Variants in SLC36A1 observed in about 807,000 individuals in gnomAD.
SLC36A1 encodes proton-coupled amino acid transporter 1.
SLC36A1 carries 30 observed loss-of-function variants against 47.5 expected under a neutral mutation model. That is an observed-to-expected ratio of 0.63 (90% CI 0.47 to 0.86). The LOEUF (loss-of-function observed/expected upper bound fraction) is 0.86, where lower values mean the gene tolerates loss of function less well. Among genes scored for constraint, SLC36A1 ranks in the 40% least tolerant of loss-of-function variants. The pLI, the probability that SLC36A1 is intolerant of heterozygous loss-of-function variation, is 0.00. For synonymous variants in SLC36A1, 255 were observed against 249.7 expected, an observed-to-expected ratio of 1.02 and a Z score of -0.20; for missense variants, 517 against 606.0, an observed-to-expected ratio of 0.85 and a Z score of 1.54.
At chr5:151,444,263 G>A (rs1752793562), upstream of SLC36A1, among the ~76,000 whole-genome samples, 1 of 152,118 alleles carries the variant, frequency 6.6e-6, no homozygotes, top group South Asian at 2.1e-4. Context: ...GGATAGTATG[G>A]ACATTTCCAC....
chr5:151,523,508 GTCTATAGCCTGTGTTTT>G, the SLC36A1 span, among the ~76,000 whole-genome samples: 12 of 152,296 alleles, frequency 7.9e-5, no homozygotes, highest in African/African-American at 2.2e-4. Flanking sequence ...ACCTATCTGT[GTCTATAGCCTGTGTTTT>G]TCTTTGCTGG....
chr5:151,551,968 A>T, the SLC36A1 span, among the ~76,000 whole-genome samples: 351 of 139,514 alleles, frequency 2.5e-3, 2 homozygotes, highest in African/African-American at 8.9e-3. Context: ...CTTTAATATA[A>T]CCCTAAGGGT....
chr5:151,403,450 A>T, the SLC36A1 span, among the ~76,000 whole-genome samples: 19 of 152,178 alleles, frequency 1.2e-4, no homozygotes, highest in East Asian at 3.3e-3. Flanking sequence ...AGATCTTGTC[A>T]TTTAAAAGCG....
chr5:151,505,827 A>G, the SLC36A1 span: 2 of 1,613,306 alleles, frequency 1.2e-6, no homozygotes, highest in East Asian at 2.2e-5. Context: ...GGGGGCAACC[A>G]GGCGCTCCCG....
chr5:151,450,919 C>G lies in SLC36A1; in HGVS notation c.-6+3106C>G, dbSNP rs1023744242. The G allele has an allele frequency of 2.6e-5, 4 of 152,306 alleles. No individual in the cohort carries two copies. In the East Asian group the frequency reaches 7.7e-4, roughly 29 times the overall value. 9.4% of individuals were successfully genotyped at this position (152,306 alleles called of 1,614,324 possible). ...TCACATGGAATCCGTTTATTTCCAT[C>G]CAGGCCTTCTCTTGTTTCCCATAGA... On this transcript the variant is annotated intron_variant, in intron 1 of 10. Transcript: ENST00000243389.
chr5:151,355,613 A>G, the SLC36A1 span, among the ~76,000 whole-genome samples: 3 of 152,196 alleles, frequency 2.0e-5, no homozygotes, highest in Admixed American at 1.3e-4. Context: ...AAATTATCCT[A>G]ATTCTATTGA....
the SLC36A1 span, among the ~76,000 whole-genome samples, chr5:151,416,723 C>T: frequency 6.6e-6 from 1 of 152,196 alleles, no homozygotes; most frequent in Non-Finnish European, 1.5e-5. Context: ...TCTGTCCATC[C>T]ACACTCAGGA....
chr5:151,542,663 T>C, the SLC36A1 span: 1 of 1,614,212 alleles, frequency 6.2e-7, no homozygotes. Flanking sequence ...TCCTTGTCAA[T>C]GGCAGTCACT....
chr5:151,494,571 GT>G (rs1459580537), downstream of SLC36A1, among the ~76,000 whole-genome samples: 1 of 152,058 alleles, frequency 6.6e-6, no homozygotes, highest in Non-Finnish European at 1.5e-5. Context: ...TTTGTGTCTG[GT>G]TTCTTTCACT....
chr5:151,364,705 G>T, the SLC36A1 span, among the ~76,000 whole-genome samples: 1 of 152,204 alleles, frequency 6.6e-6, no homozygotes, highest in African/African-American at 2.4e-5. Flanking sequence ...CCAACTGAAT[G>T]TGGCTTAAGC....
the SLC36A1 span, chr5:151,512,728 T>C: frequency 1.1e-6 from 1 of 889,594 alleles, no homozygotes; most frequent in Non-Finnish European, 1.7e-6. The surrounding 1 kb of genome is among the most constrained non-coding windows in gnomAD (Gnocchi z 4.1). Flanking sequence ...TGTTTGGCTG[T>C]TTTAGACATG....
chr5:151,425,304 T>A, the SLC36A1 span: 1 of 152,312 alleles, frequency 6.6e-6, no homozygotes, highest in Non-Finnish European at 1.5e-5. Flanking sequence ...CCAGCCCCTC[T>A]TACCAAGATG....
At chr5:151,367,134 C>T in the SLC36A1 span, among the ~76,000 whole-genome samples, 1 of 152,124 alleles carries the variant, frequency 6.6e-6, no homozygotes, top group Non-Finnish European at 1.5e-5. Flanking sequence ...TGATAAGGGT[C>T]TGTGTTCAGC....
rs767863955 is a variant in SLC36A1 at position 151,458,896 on chromosome 5, C to T, written c.104C>T (p.Pro35Leu). ...PSEGLNNLSSPGSYQRFGQSN... is the reference protein window; with the variant it reads ...PSEGLNNLSSLGSYQRFGQSN... ...GAAGGCCTCAACAACCTCTCCTCCC[C>T]GGGCTCCTACCAGCGCTTTGGTCAA... The change falls in exon 2 of 11, where the codon CCG becomes CTG. Residue 35 changes from proline (P) to leucine (L), a missense_variant. Physicochemically the swap from Pro to Leu is moderately conservative, Grantham distance 98. Coordinates refer to ENST00000243389, the MANE Select transcript of SLC36A1 (RefSeq NM_078483.4). 22 of 1,613,696 alleles carry T rather than the reference C, an allele frequency of 1.4e-5. No homozygotes were observed. Among genetic ancestry groups the T allele is most frequent in the South Asian group, 3.3e-5 (3 of 91,066 alleles).
the SLC36A1 span, among the ~76,000 whole-genome samples, chr5:151,398,083 A>C: frequency 1.3e-5 from 2 of 152,208 alleles, no homozygotes; most frequent in African/African-American, 4.8e-5. Context: ...GCACCACTGC[A>C]CTTCAGCCTG....
chr5:151,352,726 G>C, the SLC36A1 span, among the ~76,000 whole-genome samples: 1 of 152,168 alleles, frequency 6.6e-6, no homozygotes, highest in Non-Finnish European at 1.5e-5. Context: ...TATTCCCATA[G>C]TGTCTTCTCT....
the SLC36A1 span, among the ~76,000 whole-genome samples, chr5:151,506,482 T>C: frequency 1.3e-5 from 2 of 152,256 alleles, no homozygotes; most frequent in East Asian, 3.9e-4. Context: ...CACTCACAGG[T>C]GTGATGGAGT....
At chr5:151,523,828 C>T in the SLC36A1 span, among the ~76,000 whole-genome samples, 3 of 152,120 alleles carry the variant, frequency 2.0e-5, no homozygotes, top group African/African-American at 7.2e-5. Context: ...CAAAACAGAG[C>T]TTCGGTTTAG....
chr5:151,553,198 G>A, the SLC36A1 span: 9 of 1,614,138 alleles, frequency 5.6e-6, no homozygotes, highest in Non-Finnish European at 7.6e-6. Flanking sequence ...AACCAGAAGA[G>A]TCCGGGTCTG....
Sources: allele counts gnomAD v4.1 joint callset (sites outside exome capture counted in the v4.1 genomes callset), GRCh38; gene constraint gnomAD v4.1.1; non-coding constraint Gnocchi (gnomAD v3.1); transcripts MANE v1.5; gene names NCBI Gene and HGNC (gene_info 2026-07-23, HGNC 2026-07-21).